Variants in ABI3BP observed in about 807,000 individuals in gnomAD.
ABI3BP encodes the protein target of Nesh-SH3.
In ABI3BP, 216 loss-of-function variants were observed where a neutral mutation model predicts 268.6. The ratio of observed to expected loss-of-function variants is 0.80; its 90% CI spans 0.72 to 0.90. The LOEUF (loss-of-function observed/expected upper bound fraction) is 0.90, where lower values mean the gene tolerates loss of function less well. Among genes scored for constraint, ABI3BP ranks in the 40% least tolerant of loss-of-function variants. The probability of loss-of-function intolerance (pLI) is 0.00; values close to 1 mark genes in which losing one functional copy is unlikely to be tolerated. For missense variants in ABI3BP, 2,090 were observed against 2,182.4 expected (o/e 0.96, Z 0.84); for synonymous variants, 730 against 730.0 (o/e 1.00, Z 0.00).
At chr3:100,751,190 A>T (rs767214292) in intron 67 of ABI3BP, among the ~76,000 whole-genome samples, 3 of 152,134 alleles carry the variant, frequency 2.0e-5, no homozygotes, top group Non-Finnish European at 4.4e-5. Flanking sequence ...TTTTCCATTT[A>T]TGATAGCAGT....
chr3:100,901,712 G>A (rs2050462680), intron 3 of ABI3BP, among the ~76,000 whole-genome samples: 1 of 151,838 alleles, frequency 6.6e-6, no homozygotes, highest in Admixed American at 6.6e-5. Flanking sequence ...CTTGCAGTGA[G>A]CTGAGATTGC....
chr3:100,830,212 A>G (rs186969370), intron 32 of ABI3BP, among the ~76,000 whole-genome samples: 1 of 136,730 alleles, frequency 7.3e-6, no homozygotes, highest in African/African-American at 2.6e-5. Context: ...CAAGAGAACT[A>G]TGTCACACCG....
chr3:100,789,579 T>G, intron 55 of ABI3BP, 63 bp from the exon 56 acceptor site: 1 of 1,495,278 alleles, frequency 6.7e-7, no homozygotes, highest in Non-Finnish European at 9.1e-7. Flanking sequence ...AATGGAGATT[T>G]AGCATCCTAG....
At chr3:100,786,588 T>C (rs1485866085) in intron 57 of ABI3BP, among the ~76,000 whole-genome samples, 1 of 152,172 alleles carries the variant, frequency 6.6e-6, no homozygotes, top group Non-Finnish European at 1.5e-5. Flanking sequence ...TAAGTGCTTT[T>C]ATTTTTACTT....
chr3:100,756,874 C>T (rs1194908332), intron 63 of ABI3BP, among the ~76,000 whole-genome samples: 1 of 149,092 alleles, frequency 6.7e-6, no homozygotes, highest in South Asian at 2.1e-4. Context: ...CTGAAAGGCA[C>T]ATTTTTGTTT....
At chr3:100,793,822 A>G (rs886691749) in intron 54 of ABI3BP, among the ~76,000 whole-genome samples, 2 of 152,024 alleles carry the variant, frequency 1.3e-5, no homozygotes. Flanking sequence ...GACAGGAGAG[A>G]GGAGCCAACA....
rs760167920 is a variant in ABI3BP at position 100,874,945 on chromosome 3, T to C, written c.818-12A>G. ...AATAATAAGGTGGACTGCAAGGAAA[T>C]AGATGTAAATAAGATAAGGGGAAGA... On this transcript the variant is annotated splice_polypyrimidine_tract_variant and intron_variant, in intron 8 of 67. Coordinates refer to ENST00000471714, the MANE Select transcript of ABI3BP (RefSeq NM_001375547.2). The C allele has an allele frequency of 1.8e-5, 27 of 1,488,290 alleles. No individual in the cohort carries two copies. In the East Asian group the frequency reaches 5.5e-4, roughly 30 times the overall value. The allele number at this position is 1,488,290 out of a possible 1,614,324, so 92.2% of individuals were successfully genotyped here. A position where few individuals can be genotyped will look rare whatever the true frequency, so the allele number is the denominator to read the frequency against.
chr3:100,904,102 T>C (rs2051921513), intron 2 of ABI3BP, among the ~76,000 whole-genome samples: 1 of 152,200 alleles, frequency 6.6e-6, no homozygotes. Context: ...ACGCTTTCTA[T>C]GTGCTGGATA....
At chr3:100,899,205 G>GGGAA (rs1357506214) in intron 3 of ABI3BP, among the ~76,000 whole-genome samples, 1 of 152,150 alleles carries the variant, frequency 6.6e-6, no homozygotes, top group Non-Finnish European at 1.5e-5. Context: ...TTGTGGGTCA[G>GGGAA]GGAAGGATAT....
intron 42 of ABI3BP, among the ~76,000 whole-genome samples, chr3:100,817,127 C>T (rs1325945061): frequency 6.6e-6 from 1 of 152,142 alleles, no homozygotes; most frequent in African/African-American, 2.4e-5. Flanking sequence ...CCACCAGCAA[C>T]TGTGTTTGAA....
At position 100,939,485 on chromosome 3, in the gene ABI3BP, G is replaced by A. The variant is rs908908728; in HGVS notation, c.80-13004C>T. Among the ~76,000 whole-genome samples, 41 of 152,088 alleles carry A rather than the reference G, an allele frequency of 2.7e-4. No homozygotes were observed. In the East Asian group the frequency reaches 5.2e-3, roughly 19 times the overall value. ...AGAGAAATTTTAAAGCTGGGCATCC[G>A]GGGAAGACATCACGTGTCGGTAGGT... On this transcript the variant is annotated intron_variant, in intron 1 of 67. Transcript: ENST00000471714.
At chr3:100,986,474 C>CT (rs963156183) in intron 1 of ABI3BP, among the ~76,000 whole-genome samples, 50 of 149,644 alleles carry the variant, frequency 3.3e-4, no homozygotes, top group African/African-American at 9.0e-4. Flanking sequence ...CTAACATACT[C>CT]TTTTTTTTTT....
intron 61 of ABI3BP, among the ~76,000 whole-genome samples, chr3:100,773,745 C>T (rs896636184): frequency 2.0e-5 from 3 of 152,140 alleles, no homozygotes; most frequent in Admixed American, 1.3e-4. Flanking sequence ...TAATAGCATG[C>T]TAGTCAGCAA....
chr3:100,914,159 G>C (rs1419359075), intron 2 of ABI3BP, among the ~76,000 whole-genome samples: 1 of 152,012 alleles, frequency 6.6e-6, no homozygotes, highest in Non-Finnish European at 1.5e-5. Flanking sequence ...CTCAGAAAAA[G>C]TATGTTTTCA....
chr3:100,889,404 A>G (rs1186384680), intron 4 of ABI3BP, among the ~76,000 whole-genome samples: 2 of 152,172 alleles, frequency 1.3e-5, no homozygotes, highest in African/African-American at 2.4e-5. Context: ...AAAAAGATGG[A>G]AAAATGAACC....
intron 2 of ABI3BP, among the ~76,000 whole-genome samples, chr3:100,916,358 C>T (rs751079188): frequency 9.9e-5 from 15 of 152,162 alleles, no homozygotes; most frequent in Admixed American, 7.9e-4. Context: ...GTCAGCTTTT[C>T]CATGTAGGAG....
intron 58 of ABI3BP, among the ~76,000 whole-genome samples, chr3:100,778,987 A>T (rs569322637): frequency 4.0e-4 from 61 of 152,148 alleles, no homozygotes; most frequent in Non-Finnish European, 7.9e-4. Context: ...TTCATTTTCC[A>T]TGTAGACTTA....
At chr3:100,926,502 A>G in intron 1 of ABI3BP, 21 bp from the exon 2 acceptor site, 10 of 1,604,824 alleles carry the variant, frequency 6.2e-6, no homozygotes, top group South Asian at 1.1e-5. Flanking sequence ...GAATGAAAAC[A>G]TCGATGGCTG....
At chr3:100,790,486 T>A (rs1339268079) in intron 55 of ABI3BP, among the ~76,000 whole-genome samples, 1 of 152,054 alleles carries the variant, frequency 6.6e-6, no homozygotes, top group African/African-American at 2.4e-5. Flanking sequence ...CAGCAATGCC[T>A]TGCCTACTAA....
Sources: allele counts gnomAD v4.1 joint callset (sites outside exome capture counted in the v4.1 genomes callset), GRCh38; gene constraint gnomAD v4.1.1; transcripts MANE v1.5; gene names NCBI Gene and HGNC (gene_info 2026-07-23, HGNC 2026-07-21).